Variants in LINGO2 observed in about 807,000 individuals in gnomAD.
LINGO2 encodes leucine rich repeat and Ig domain containing 2.
LINGO2 carries 14 observed loss-of-function variants against 30.6 expected under a neutral mutation model. That is an observed-to-expected ratio of 0.46 (90% CI 0.30 to 0.72). LINGO2 has a LOEUF of 0.72. LINGO2 is among the 30% of genes least tolerant of loss of function. The pLI is 0.07. For missense variants in LINGO2, 729 were observed against 751.7 expected (o/e 0.97, Z 0.35); for synonymous variants, 317 against 288.5 (o/e 1.10, Z -1.00).
chr9:27,961,269 T>TCCCA (rs1819832248), intron 5 of LINGO2, among the ~76,000 whole-genome samples: 2 of 152,318 alleles, frequency 1.3e-5, no homozygotes, highest in African/African-American at 4.8e-5. Flanking sequence ...TTCATTGGGA[T>TCCCA]GTGACCCCAT....
At chr9:28,577,158 G>A (rs547125797) in intron 1 of LINGO2, among the ~76,000 whole-genome samples, 5 of 152,198 alleles carry the variant, frequency 3.3e-5, no homozygotes, top group Admixed American at 6.5e-5. Context: ...GTTATGAGAC[G>A]GGCCTGAATT....
At chr9:28,011,727 TTAAA>T (rs1167169284) in intron 5 of LINGO2, among the ~76,000 whole-genome samples, 1 of 152,206 alleles carries the variant, frequency 6.6e-6, no homozygotes, top group African/African-American at 2.4e-5. Context: ...ACTGCAGAGT[TTAAA>T]TACCCTAAAG....
At chr9:28,465,472 G>A (rs1471726634) in intron 2 of LINGO2, among the ~76,000 whole-genome samples, 1 of 152,130 alleles carries the variant, frequency 6.6e-6, no homozygotes, top group Non-Finnish European at 1.5e-5. Flanking sequence ...TAGGGGGCAT[G>A]GTAGGCCAAA....
the LINGO2 span, among the ~76,000 whole-genome samples, chr9:28,994,093 T>C: frequency 6.6e-6 from 1 of 151,884 alleles, no homozygotes; most frequent in Non-Finnish European, 1.5e-5. Flanking sequence ...TGTTTGCAGA[T>C]GACATGATTG....
At position 28,047,955 on chromosome 9, in the gene LINGO2, G is replaced by A. The variant is rs547015561; in HGVS notation, c.-86-35550C>T. 2.0e-5 allele frequency among the ~76,000 whole-genome samples: 3 copies of A among 150,468 alleles called. No homozygotes were observed. The Admixed American group carries it at 2.0e-4, about 10-fold the overall frequency. On this transcript the variant is annotated intron_variant, in intron 4 of 5. Coordinates refer to ENST00000379992, the Ensembl canonical transcript of LINGO2. ...AGCAATGTGATTTTTTAGAATCAAC[G>A]TAATTTCCACAAAAAATATGAAAAG...
At chr9:28,673,231 G>C (rs1402454204), upstream of LINGO2, among the ~76,000 whole-genome samples, 1 of 152,172 alleles carries the variant, frequency 6.6e-6, no homozygotes, top group African/African-American at 2.4e-5. Context: ...GAAGTTTACA[G>C]TGATGGGGCA....
intron 4 of LINGO2, among the ~76,000 whole-genome samples, chr9:28,210,319 T>A (rs942124707): frequency 1.6e-4 from 24 of 151,612 alleles, no homozygotes; most frequent in African/African-American, 5.3e-4. Flanking sequence ...ACCACAGATT[T>A]GTGAAGTAGA....
At chr9:28,834,069 T>C in the LINGO2 span, among the ~76,000 whole-genome samples, 32 of 152,108 alleles carry the variant, frequency 2.1e-4, no homozygotes, top group South Asian at 6.2e-4. Flanking sequence ...GTGCCTACTC[T>C]ACTTAGTGCA....
chr9:28,770,832 G>A, the LINGO2 span, among the ~76,000 whole-genome samples: 1 of 152,160 alleles, frequency 6.6e-6, no homozygotes, highest in African/African-American at 2.4e-5. Context: ...ATTGGTAGAT[G>A]TTCCAGGAAG....
chr9:28,159,559 C>T (rs1355566945), intron 4 of LINGO2, among the ~76,000 whole-genome samples: 1 of 151,912 alleles, frequency 6.6e-6, no homozygotes, highest in African/African-American at 2.4e-5. Context: ...TTAACAAGTC[C>T]ATTTTTATCT....
chr9:28,192,978 G>A (rs1374613514), intron 4 of LINGO2, among the ~76,000 whole-genome samples: 3 of 152,106 alleles, frequency 2.0e-5, no homozygotes, highest in African/African-American at 7.2e-5. Flanking sequence ...TAATTGGGGA[G>A]ACTTAGAAGG....
chr9:28,381,624 A>G (rs535585251), intron 2 of LINGO2, among the ~76,000 whole-genome samples: 16 of 152,224 alleles, frequency 1.1e-4, no homozygotes, highest in Non-Finnish European at 2.2e-4. Context: ...ATGTTTATCT[A>G]TTTATAAAGT....
chr9:28,823,702 C>T, the LINGO2 span, among the ~76,000 whole-genome samples: 5 of 152,138 alleles, frequency 3.3e-5, no homozygotes, highest in African/African-American at 4.8e-5. Flanking sequence ...TAGACAAAGG[C>T]GGCACTGAAC....
intron 3 of LINGO2, among the ~76,000 whole-genome samples, chr9:28,304,143 C>G (rs1824252625): frequency 6.6e-6 from 1 of 151,648 alleles, no homozygotes; most frequent in East Asian, 1.9e-4. Context: ...AATTCTTTTT[C>G]TGCTTATGAC....
chr9:28,035,959 T>G (rs1277143322), intron 4 of LINGO2, among the ~76,000 whole-genome samples: 2 of 152,172 alleles, frequency 1.3e-5, no homozygotes, highest in Non-Finnish European at 2.9e-5. Flanking sequence ...TGACATGATG[T>G]GGTCATTCAA....
chr9:29,160,907 A>G, the LINGO2 span, among the ~76,000 whole-genome samples: 1 of 152,258 alleles, frequency 6.6e-6, no homozygotes, highest in Non-Finnish European at 1.5e-5. Flanking sequence ...GTAAGTTCAC[A>G]CTAGTCTCTG....
At chr9:28,434,600 T>C (rs1012957272) in intron 2 of LINGO2, among the ~76,000 whole-genome samples, 18 of 152,024 alleles carry the variant, frequency 1.2e-4, no homozygotes, top group African/African-American at 3.6e-4. Context: ...GTAATTGGCT[T>C]CTATCAAACC....
At chr9:28,974,860 C>T in the LINGO2 span, among the ~76,000 whole-genome samples, 1 of 152,018 alleles carries the variant, frequency 6.6e-6, no homozygotes, top group Admixed American at 6.6e-5. Flanking sequence ...AAAATTAAGA[C>T]ATTTCCATTG....
rs145740310 is a variant in LINGO2 at position 28,073,262 on chromosome 9, C to T, written c.-86-60857G>A. Among the ~76,000 whole-genome samples the T allele has an allele frequency of 1.5e-3, 227 of 152,160 alleles. 1 individual carries two copies. The East Asian group carries it at 0.022, about 14-fold the overall frequency. ...GGCCTACCCCGTATTAGCTGCTGTC[C>T]TTCAAATTTAATTTCTTCACATTTT... On this transcript the variant is annotated intron_variant, in intron 4 of 5. Coordinates refer to ENST00000379992, the Ensembl canonical transcript of LINGO2.
Sources: gnomAD v4.1 joint callset for allele counts (sites outside exome capture counted in the v4.1 genomes callset) on GRCh38, gnomAD v4.1.1 for gene constraint, MANE v1.5 for transcripts, NCBI Gene and HGNC (gene_info 2026-07-23, HGNC 2026-07-21) for gene names.